ISM1: variants seen among roughly 807,000 people sequenced by gnomAD.
ISM1 encodes the protein isthmin 1.
In ISM1, 25 loss-of-function variants were observed where a neutral mutation model predicts 46.3. The ratio of observed to expected loss-of-function variants is 0.54; its 90% confidence interval spans 0.39 to 0.75. The LOEUF (loss-of-function observed/expected upper bound fraction) is 0.75. Ranked by LOEUF, ISM1 falls within the 30% of genes least tolerant of loss-of-function variation. ISM1 has a pLI of 0.00. For missense variants in ISM1, 536 were observed against 625.4 expected (o/e 0.86, Z 1.52); for synonymous variants, 255 against 256.7 (o/e 0.99, Z 0.06).
intron 3 of ISM1, 80 bp downstream of exon 3, chr20:13,279,978 C>A: frequency 1.5e-6 from 2 of 1,368,304 alleles, no homozygotes; most frequent in Admixed American, 2.1e-5. Context: ...CCAAGCAAAA[C>A]CCTGCTTAGA....
At chr20:13,227,078 T>C (rs893846227) in intron 1 of ISM1, among the ~76,000 whole-genome samples, 1 of 152,252 alleles carries the variant, frequency 6.6e-6, no homozygotes, top group African/African-American at 2.4e-5. Flanking sequence ...GCCTTTTGTC[T>C]TGAATACTTT....
chr20:13,254,127 G>A (rs2039900400), intron 1 of ISM1, among the ~76,000 whole-genome samples: 1 of 151,610 alleles, frequency 6.6e-6, no homozygotes, highest in South Asian at 2.1e-4. Context: ...CAGCTACTTG[G>A]GAGACTGAGG....
At chr20:13,235,196 T>TTTACA (rs2123146860) in intron 1 of ISM1, among the ~76,000 whole-genome samples, 1 of 152,300 alleles carries the variant, frequency 6.6e-6, no homozygotes, top group East Asian at 1.9e-4. Flanking sequence ...ATGGATTGGG[T>TTTACA]CTAGGTTTAC....
At chr20:13,294,298 C>T (rs1217762627) in intron 5 of ISM1, among the ~76,000 whole-genome samples, 2 of 152,244 alleles carry the variant, frequency 1.3e-5, no homozygotes, top group African/African-American at 2.4e-5. Context: ...GCCTCTACCT[C>T]ATCCCTCCAA....
chr20:13,321,264 A>T, the ISM1 span, among the ~76,000 whole-genome samples: 7 of 150,888 alleles, frequency 4.6e-5, no homozygotes, highest in African/African-American at 1.7e-4. Context: ...AAAAAAAAAA[A>T]AAAAAAAAAA....
intron 1 of ISM1, among the ~76,000 whole-genome samples, chr20:13,264,732 C>T (rs1300217060): frequency 6.6e-6 from 1 of 152,140 alleles, no homozygotes; most frequent in South Asian, 2.1e-4. Context: ...TGGTGTTGGA[C>T]CAGGATGTAC....
chr20:13,238,217 A>G (rs2039675150), intron 1 of ISM1: 2 of 152,220 alleles, frequency 1.3e-5, no homozygotes. Flanking sequence ...AAGTCCAGCC[A>G]TGGGCCTGAG....
the ISM1 span, among the ~76,000 whole-genome samples, chr20:13,307,523 G>C: frequency 6.6e-6 from 1 of 152,110 alleles, no homozygotes; most frequent in African/African-American, 2.4e-5. Flanking sequence ...GAATTTCTTT[G>C]TATGTAAATT....
intron 1 of ISM1, among the ~76,000 whole-genome samples, chr20:13,234,480 T>C (rs2039625307): frequency 6.6e-6 from 1 of 152,170 alleles, no homozygotes; most frequent in Admixed American, 6.5e-5. Flanking sequence ...AGGAGTGGGA[T>C]TGCTGGATTG....
Position 13,270,580 on chromosome 20 carries a change from T to A in ISM1, c.215T>A (p.Leu72Gln), listed in dbSNP as rs765997107. The change falls in exon 2 of 6, where the codon CTG becomes CAG. Residue 72 changes from leucine to glutamine, a missense_variant. Around this residue, in one of 2 missense-constraint regions of ISM1, gnomAD observed 367 missense variants for 376.1 expected, o/e 0.98. Transcript: ENST00000262487. ...SLSKEAPREH[L>Q]DHQAAHQPFP... ...TCCAAAGAAGCACCAAGGGAGCATC[T>A]GGACCACCAGGCTGCACACCAACCC... 6.2e-7 allele frequency: 1 copy of A among 1,613,992 alleles called. No individual in the cohort carries two copies. The highest frequency in any genetic ancestry group is 1.7e-5 in the Admixed American group (1 of 60,022).
chr20:13,287,541 C>T (rs528617169), intron 3 of ISM1, among the ~76,000 whole-genome samples: 2 of 152,292 alleles, frequency 1.3e-5, no homozygotes, highest in South Asian at 4.1e-4. Context: ...CCTACTTTTC[C>T]TTTTTGCACA....
At chr20:13,294,908 GA>G (rs1250982934) in intron 5 of ISM1, among the ~76,000 whole-genome samples, 2 of 152,176 alleles carry the variant, frequency 1.3e-5, no homozygotes, top group Non-Finnish European at 2.9e-5. Context: ...CAGAGCTCCT[GA>G]AAGTTGCGTT....
At chr20:13,231,827 G>A (rs181404865) in intron 1 of ISM1, among the ~76,000 whole-genome samples, 86 of 152,266 alleles carry the variant, frequency 5.6e-4, no homozygotes, top group African/African-American at 2.1e-3. Flanking sequence ...TTGCAGTTTT[G>A]AGTACCCCAA....
At chr20:13,234,887 T>G (rs1014275918) in intron 1 of ISM1, among the ~76,000 whole-genome samples, 8 of 152,206 alleles carry the variant, frequency 5.3e-5, no homozygotes, top group Non-Finnish European at 1.0e-4. Flanking sequence ...TTTTTGCATC[T>G]GATAGTTTGC....
intron 1 of ISM1, among the ~76,000 whole-genome samples, chr20:13,228,811 T>A (rs1276348595): frequency 6.6e-6 from 1 of 152,248 alleles, no homozygotes; most frequent in African/African-American, 2.4e-5. Flanking sequence ...CTATCTTTCA[T>A]GTCTCTGAAT....
the ISM1 span, among the ~76,000 whole-genome samples, chr20:13,320,082 G>A: frequency 0.014 from 2,057 of 152,302 alleles, 26 homozygotes; most frequent in Middle Eastern, 0.034. Flanking sequence ...AGGTGAAGTT[G>A]TAGAGAAAGC....
chr20:13,304,138 A>C (rs546173672), downstream of ISM1, among the ~76,000 whole-genome samples: 9 of 152,232 alleles, frequency 5.9e-5, no homozygotes, highest in Non-Finnish European at 1.3e-4. Context: ...TTGTAGGTTC[A>C]GCAGTGAAGT....
At chr20:13,292,648 TC>T (rs1297831497) in intron 5 of ISM1, among the ~76,000 whole-genome samples, 185 bp downstream of exon 5, 4 of 152,094 alleles carry the variant, frequency 2.6e-5, no homozygotes, top group Non-Finnish European at 5.9e-5. Flanking sequence ...CTAAGCCTCC[TC>T]CACCGGACCG....
intron 1 of ISM1, among the ~76,000 whole-genome samples, chr20:13,248,595 C>T (rs1568669748): frequency 6.6e-6 from 1 of 152,186 alleles, no homozygotes; most frequent in Non-Finnish European, 1.5e-5. Context: ...CTAATTTCTA[C>T]CAGTGTTCTT....
Sources: allele counts gnomAD v4.1 joint callset (sites outside exome capture counted in the v4.1 genomes callset), GRCh38; gene constraint gnomAD v4.1.1; regional missense constraint gnomAD v4.1.1; transcripts MANE v1.5; gene names NCBI Gene and HGNC (gene_info 2026-07-23, HGNC 2026-07-21).